Variants in PI16 observed in about 807,000 individuals in gnomAD.
PI16 encodes PSP94-binding protein.
In PI16, 35 loss-of-function variants were observed where a neutral mutation model predicts 38.0. The observed-to-expected ratio is 0.92, with a 90% CI of 0.70 to 1.22. The LOEUF (loss-of-function observed/expected upper bound fraction) is 1.22, where lower values mean the gene tolerates loss of function less well. Ranked by LOEUF, PI16 falls within the 50% of genes most tolerant of loss-of-function variation. The pLI, the probability that PI16 is intolerant of heterozygous loss-of-function variation, is 0.00. For missense variants in PI16, 572 were observed against 593.8 expected (o/e 0.96, Z 0.38); for synonymous variants, 275 against 252.9 (o/e 1.09, Z -0.83).
chr6:36,952,199 G>A (rs1462672808), upstream of PI16, among the ~76,000 whole-genome samples: 1 of 151,874 alleles, frequency 6.6e-6, no homozygotes, highest in Non-Finnish European at 1.5e-5. Flanking sequence ...TCACCATGTT[G>A]GCCAGGCTGG....
chr6:36,953,890 ATAGT>A (rs1274404017), upstream of PI16, among the ~76,000 whole-genome samples: 1 of 152,234 alleles, frequency 6.6e-6, no homozygotes, highest in African/African-American at 2.4e-5. Flanking sequence ...ATATTTCTAC[ATAGT>A]TAGAGCACAG....
chr6:36,959,255 C>G lies in PI16; in HGVS notation c.282C>G (p.Asp94Glu). The G allele has an allele frequency of 3.1e-6, 5 of 1,606,914 alleles. No homozygotes were observed. The highest frequency in any genetic ancestry group is 4.2e-6 in the Non-Finnish European group (5 of 1,177,276). Reference sequence around the variant, plus strand: ...GCGAGAATCTGTTCGCCATCACAGACGAGGGCATGGACGTGCCGCTGGCCA... The same window carrying G: ...GCGAGAATCTGTTCGCCATCACAGAGGAGGGCATGGACGTGCCGCTGGCCA... ...RRGENLFAIT[D>E]EGMDVPLAME... Residue 94 changes from aspartate to glutamate, a missense_variant, in exon 2 of 7, where the codon GAC becomes GAG. Asp to Glu is a conservative substitution (Grantham distance 45). Transcript: ENST00000373674.
At chr6:36,950,553 T>A (rs1042640785), upstream of PI16, among the ~76,000 whole-genome samples, 7 of 152,078 alleles carry the variant, frequency 4.6e-5, no homozygotes, top group Non-Finnish European at 1.0e-4. The surrounding 1 kb of genome is among the most constrained non-coding windows in gnomAD (Gnocchi z 4.2). Flanking sequence ...CCTGCTTTTT[T>A]TTTTTTTAAG....
intron 1 of PI16, among the ~76,000 whole-genome samples, chr6:36,948,681 T>A (rs1763053250): frequency 1.2e-5 from 1 of 80,530 alleles, no homozygotes; most frequent in African/African-American, 5.0e-5. Context: ...CCCTCCCTCC[T>A]TCCTCCCTCC....
chr6:36,958,601 G>A (rs1763265381), intron 1 of PI16, among the ~76,000 whole-genome samples: 1 of 152,048 alleles, frequency 6.6e-6, no homozygotes, highest in Non-Finnish European at 1.5e-5. Context: ...ACTGGGGCGG[G>A]AGCCTGCAGA....
intron 5 of PI16, 93 bp from the exon 6 acceptor site, chr6:36,963,730 C>T (rs1763437913): frequency 6.5e-7 from 1 of 1,530,530 alleles, no homozygotes; most frequent in African/African-American, 1.4e-5. Flanking sequence ...AGCTTCCTCC[C>T]TGGCTGCTGC....
intron 2 of PI16, among the ~76,000 whole-genome samples, chr6:36,960,772 T>C (rs1253943261): frequency 1.3e-5 from 2 of 152,108 alleles, no homozygotes; most frequent in Non-Finnish European, 1.5e-5. Context: ...TCTGGAGTCG[T>C]TTCTGCCCAG....
In PI16 at chr6:36,956,569, T is replaced by G. The variant is rs541638912; in HGVS notation, c.171+1638T>G. Among the ~76,000 whole-genome samples, 12 of 152,330 alleles carry G rather than the reference T, an allele frequency of 7.9e-5. No homozygotes were observed. The East Asian group carries it at 2.3e-3, about 29-fold the overall frequency. On this transcript the variant is annotated intron_variant, in intron 1 of 6. Transcript: ENST00000373674. ...TTCAGGACAAGACTCAGGTTCAACC[T>G]CAGCAGTGGTGAGGGCAGGGACTCT...
At position 36,962,384 on chromosome 6, in the gene PI16, C is replaced by A. The variant is rs1763392901; in HGVS notation, c.592+410C>A. ...GCTGGAGAAGTCCCCTGAAAAAGGG[C>A]AAGTACGAATGTAGAGAGACTTGGA... On this transcript the variant is annotated intron_variant, in intron 4 of 6. Transcript: ENST00000373674. This position sits in a 1 kb window ranked among gnomAD's most constrained non-coding sequence, Gnocchi z 4.1. Among the ~76,000 whole-genome samples, 1 of 152,188 alleles carries A rather than the reference C, an allele frequency of 6.6e-6. No individual in the cohort carries two copies. Among genetic ancestry groups the A allele is most frequent in the Non-Finnish European group, 1.5e-5 (1 of 68,034 alleles).
intron 1 of PI16, among the ~76,000 whole-genome samples, chr6:36,955,370 A>G (rs186280221): frequency 6.6e-6 from 1 of 152,182 alleles, no homozygotes; most frequent in Non-Finnish European, 1.5e-5. Context: ...AGGAGAGGAC[A>G]AGAGGAAGCA....
chr6:36,949,683 C>T (rs1317009789), intron 1 of PI16, among the ~76,000 whole-genome samples: 2 of 152,174 alleles, frequency 1.3e-5, no homozygotes, highest in Admixed American at 6.5e-5. Context: ...CCCCTCTACC[C>T]CCTAAGTCTT....
chr6:36,959,486 G>A, intron 2 of PI16, 120 bp downstream of exon 2: 2 of 999,864 alleles, frequency 2.0e-6, no homozygotes, highest in Admixed American at 2.8e-5. Flanking sequence ...GCAAGTAGGC[G>A]GGCTTCACTC....
At chr6:36,953,173 C>T (rs139929264), upstream of PI16, among the ~76,000 whole-genome samples, 89 of 151,864 alleles carry the variant, frequency 5.9e-4, 1 homozygote, top group East Asian at 0.012. Context: ...AAAAATTTGC[C>T]GGGCATGGTA....
At chr6:36,959,440 C>T (rs1763294775) in intron 2 of PI16, 74 bp downstream of exon 2, 1 of 1,407,462 alleles carries the variant, frequency 7.1e-7, no homozygotes, top group Non-Finnish European at 9.5e-7. Flanking sequence ...CTGGGCGGGG[C>T]CACCTCTGCC....
At position 36,956,701 on chromosome 6, in the gene PI16, G is replaced by T. The variant is rs191566790; in HGVS notation, c.171+1770G>T. On this transcript the variant is annotated intron_variant, in intron 1 of 6. Transcript: ENST00000373674. ...TCAGTCTCCTCATCTGTAAAATGGGGATGATAACAGTGGGATAATTCCCTT... is the reference window on the plus strand; with the variant it reads ...TCAGTCTCCTCATCTGTAAAATGGGTATGATAACAGTGGGATAATTCCCTT... Among the ~76,000 whole-genome samples the T allele has an allele frequency of 5.7e-3, 872 of 152,318 alleles. 5 individuals carry two copies. The highest frequency in any genetic ancestry group is 9.3e-3 in the Non-Finnish European group (633 of 68,024).
intron 1 of PI16, among the ~76,000 whole-genome samples, chr6:36,955,547 C>T (rs530806371): frequency 2.6e-4 from 39 of 152,112 alleles, no homozygotes; most frequent in African/African-American, 8.7e-4. Flanking sequence ...TTGCCGATCC[C>T]GTGTCTCATC....
At chr6:36,957,078 G>GAATA (rs1379262037) in intron 1 of PI16, among the ~76,000 whole-genome samples, 1 of 152,156 alleles carries the variant, frequency 6.6e-6, no homozygotes, top group African/African-American at 2.4e-5. Flanking sequence ...CTGTCAGAAT[G>GAATA]AATAATCCAA....
At chr6:36,959,408 T>A (rs199627182) in intron 2 of PI16, 42 bp downstream of exon 2, 1 of 1,513,808 alleles carries the variant, frequency 6.6e-7, no homozygotes, top group Non-Finnish European at 8.8e-7. Flanking sequence ...CCTCGCGGCG[T>A]GGGGGTGGGG....
rs117583371 is a variant in PI16 at position 36,958,481 on chromosome 6, G to A, written c.172-664G>A. On this transcript the variant is annotated intron_variant, in intron 1 of 6. Transcript: ENST00000373674. The stretch of plus-strand genomic sequence containing the variant: ...ACAGTGGGTTACCAAGGCTCTGAAA[G>A]TAGGCCCCTTGGTGAGAGGCCTGTG... Among the ~76,000 whole-genome samples, 1,342 of 152,322 alleles carry A rather than the reference G, an allele frequency of 8.8e-3. 43 individuals carry two copies. The highest frequency in any genetic ancestry group is 0.085 in the South Asian group (411 of 4,824).
Sources: gnomAD v4.1 joint callset for allele counts (sites outside exome capture counted in the v4.1 genomes callset) on GRCh38, gnomAD v4.1.1 for gene constraint, Gnocchi (gnomAD v3.1) non-coding constraint, MANE v1.5 for transcripts, NCBI Gene and HGNC (gene_info 2026-07-23, HGNC 2026-07-21) for gene names.